Variants in IL1RAPL1 observed in about 807,000 individuals in gnomAD.
IL1RAPL1 encodes interleukin-1 receptor accessory protein-like 1.
A neutral mutation model predicts 48.4 loss-of-function variants in IL1RAPL1; 3 were observed. The observed-to-expected ratio is 0.06, with a 90% CI of 0.03 to 0.16. The LOEUF (loss-of-function observed/expected upper bound fraction) is 0.16. Among genes scored for constraint, IL1RAPL1 ranks in the 10% least tolerant of loss-of-function variants. IL1RAPL1 has a pLI of 1.00. For missense variants in IL1RAPL1, 349 were observed against 530.6 expected (o/e 0.66, Z 3.36); for synonymous variants, 185 against 187.7 (o/e 0.99, Z 0.12).
chrX:29,614,090 CTTATA>C (rs1924198443), intron 5 of IL1RAPL1, among the ~76,000 whole-genome samples: 1 of 111,021 alleles, frequency 9.0e-6, no homozygotes, highest in Non-Finnish European at 1.9e-5. Context: ...ATGCTATGTT[CTTATA>C]TTATGGAACA....
intron 2 of IL1RAPL1, among the ~76,000 whole-genome samples, chrX:29,208,276 A>G (rs1930702245): frequency 9.0e-6 from 1 of 111,704 alleles, no homozygotes; most frequent in African/African-American, 3.3e-5. Flanking sequence ...CAAACCTCCA[A>G]CAGACTCAGT....
rs1257126161 is a variant in IL1RAPL1 at position 29,064,031 on chromosome X, A to T, written c.83-218907A>T. Among the ~76,000 whole-genome samples the T allele has an allele frequency of 3.6e-5, 4 of 111,843 alleles. No homozygotes were observed. The East Asian group carries it at 8.4e-4, about 24-fold the overall frequency. On this transcript the variant is annotated intron_variant, in intron 2 of 10. Transcript: ENST00000378993. ...CCTATAGAAAGATGAGTGTGTGGGG[A>T]TGGCATAGACCCAACCAGCAGCAAG...
intron 2 of IL1RAPL1, among the ~76,000 whole-genome samples, chrX:28,927,041 C>T (rs781378069): frequency 4.9e-4 from 55 of 111,161 alleles, no homozygotes; most frequent in African/African-American, 1.8e-3. Context: ...ACTACAAGTG[C>T]ATGCCACCAC....
chrX:28,671,464 A>C (rs1162794357), intron 1 of IL1RAPL1, among the ~76,000 whole-genome samples: 2 of 111,946 alleles, frequency 1.8e-5, no homozygotes, highest in Non-Finnish European at 3.8e-5. Flanking sequence ...CCAAGAAACT[A>C]TGATGACAAA....
intron 6 of IL1RAPL1, among the ~76,000 whole-genome samples, chrX:29,677,773 A>G (rs1256221549): frequency 8.9e-6 from 1 of 112,340 alleles, no homozygotes; most frequent in Non-Finnish European, 1.9e-5. Context: ...CAGCTTCAGA[A>G]TCAACAGTAT....
At chrX:29,028,716 TG>T in intron 2 of IL1RAPL1, among the ~76,000 whole-genome samples, 1 of 111,375 alleles carries the variant, frequency 9.0e-6, no homozygotes. Flanking sequence ...GTTTTATACC[TG>T]GGGTCTATTC....
intron 2 of IL1RAPL1, among the ~76,000 whole-genome samples, chrX:29,100,164 A>T (rs1293622343): frequency 9.0e-6 from 1 of 111,657 alleles, no homozygotes; most frequent in Non-Finnish European, 1.9e-5. Context: ...GTGAGCCAAG[A>T]TCGTGCCACT....
chrX:28,710,639 A>G (rs1231014814), intron 1 of IL1RAPL1, among the ~76,000 whole-genome samples: 4 of 111,087 alleles, frequency 3.6e-5, no homozygotes, highest in Non-Finnish European at 7.6e-5. Context: ...TATTATGTGA[A>G]CCTCATATAT....
chrX:29,560,163 A>G (rs1170028648), intron 5 of IL1RAPL1, among the ~76,000 whole-genome samples: 1 of 111,791 alleles, frequency 8.9e-6, no homozygotes, highest in Non-Finnish European at 1.9e-5. Flanking sequence ...CTTTGCTGGC[A>G]TAGTATTCTT....
At chrX:28,659,970 T>A (rs1439308294) in intron 1 of IL1RAPL1, among the ~76,000 whole-genome samples, 2 of 110,725 alleles carry the variant, frequency 1.8e-5, no homozygotes, top group African/African-American at 6.6e-5. Context: ...AAACAAATAT[T>A]CTTACTAGCA....
intron 1 of IL1RAPL1, among the ~76,000 whole-genome samples, chrX:28,767,954 A>G (rs896953923): frequency 8.9e-6 from 1 of 111,813 alleles, no homozygotes; most frequent in Middle Eastern, 4.6e-3. Context: ...CAGTGCTAGT[A>G]TCATGCAAAT....
intron 6 of IL1RAPL1, among the ~76,000 whole-genome samples, chrX:29,777,474 G>A (rs906989295): frequency 3.6e-5 from 4 of 111,665 alleles, no homozygotes; most frequent in Non-Finnish European, 5.7e-5. Flanking sequence ...CATGGATGAG[G>A]TTGATTGAAA....
In IL1RAPL1 at chrX:29,886,384, G is replaced by A. The variant is rs974299065; in HGVS notation, c.779-31080G>A. On this transcript the variant is annotated intron_variant, in intron 6 of 10. Transcript: ENST00000378993. ...ACCTCTTGCTTTGTGCATATGTTTT[G>A]CCCCTCTATTTCACTCCAGAGGTTT... 2.7e-5 allele frequency among the ~76,000 whole-genome samples: 3 copies of A among 111,667 alleles called. No homozygotes were observed. The East Asian group carries it at 8.4e-4, about 31-fold the overall frequency.
At chrX:29,803,443 GTATA>G (rs1205222795) in intron 6 of IL1RAPL1, among the ~76,000 whole-genome samples, 1 of 93,083 alleles carries the variant, frequency 1.1e-5, no homozygotes, top group Non-Finnish European at 2.1e-5. Context: ...ATACATCTAT[GTATA>G]TATGTGTGTA....
chrX:29,864,878 A>G (rs1238009910), intron 6 of IL1RAPL1, among the ~76,000 whole-genome samples: 1 of 112,060 alleles, frequency 8.9e-6, no homozygotes, highest in Non-Finnish European at 1.9e-5. Context: ...TACAATCTAG[A>G]AGCAAAATTC....
chrX:29,847,155 G>T (rs1365522389), intron 6 of IL1RAPL1, among the ~76,000 whole-genome samples: 1 of 112,020 alleles, frequency 8.9e-6, no homozygotes, highest in African/African-American at 3.2e-5. Flanking sequence ...AATTCGAGTA[G>T]ATAAGGATAA....
At position 29,715,259 on chromosome X, in the gene IL1RAPL1, A is replaced by G. The variant is rs568211261; in HGVS notation, c.778+46755A>G. On this transcript the variant is annotated intron_variant, in intron 6 of 10. Transcript: ENST00000378993. ...TATCTTAGGCCAGTGGTCCTAAAAC[A>G]TTAGCTTTCATCTGAATCACCTAGG... Among the ~76,000 whole-genome samples the G allele has an allele frequency of 6.8e-4, 76 of 111,225 alleles. No individual in the cohort carries two copies. In the Admixed American group the frequency reaches 7.1e-3, roughly 10 times the overall value.
At chrX:29,437,241 A>C (rs1407388285) in intron 5 of IL1RAPL1, among the ~76,000 whole-genome samples, 2 of 110,702 alleles carry the variant, frequency 1.8e-5, no homozygotes, top group African/African-American at 6.5e-5. Context: ...TTTACAATAC[A>C]TAGCTGTTAA....
At chrX:28,953,708 A>C (rs1051131525) in intron 2 of IL1RAPL1, among the ~76,000 whole-genome samples, 3 of 110,718 alleles carry the variant, frequency 2.7e-5, no homozygotes, top group Non-Finnish European at 5.7e-5. Flanking sequence ...ACATAATTCC[A>C]CCTTTATGAA....
Sources: allele counts gnomAD v4.1 joint callset (sites outside exome capture counted in the v4.1 genomes callset), GRCh38; gene constraint gnomAD v4.1.1; transcripts MANE v1.5; gene names NCBI Gene and HGNC (gene_info 2026-07-23, HGNC 2026-07-21).